The following RFLNA variants were observed in gnomAD, a reference collection of about 807,000 sequenced individuals.
RFLNA encodes the protein refilin A.
In RFLNA, 5 loss-of-function variants were observed where a neutral mutation model predicts 7.8. The ratio of observed to expected loss-of-function variants is 0.64; its 90% CI spans 0.34 to 1.35. The LOEUF is 1.35. RFLNA is among the 40% of genes most tolerant of loss of function. The pLI is 0.04. For missense variants in RFLNA, 278 were observed against 305.5 expected (o/e 0.91, Z 0.67); for synonymous variants, 141 against 131.3 (o/e 1.07, Z -0.50).
intron 1 of RFLNA, among the ~76,000 whole-genome samples, chr12:124,300,078 T>G (rs2033998990): frequency 6.6e-6 from 1 of 152,156 alleles, no homozygotes. Context: ...TTCTCTGGGG[T>G]TCATGTTCAA....
In RFLNA at chr12:124,295,402, G is replaced by A; in HGVS notation, c.-28G>A. On this transcript the variant is annotated 5_prime_UTR_variant, in exon 1 of 3. Transcript: ENST00000546355. The stretch of plus-strand genomic sequence containing the variant: ...CGGTGGAGAAGCCCCCGGAGGAGCG[G>A]GGGGCCCGCGCCCCGCGCCCCCCAG... 1 of 1,194,290 alleles carries A rather than the reference G, an allele frequency of 8.4e-7. No homozygotes were observed. Among genetic ancestry groups the A allele is most frequent in the Non-Finnish European group, 1.0e-6 (1 of 958,218 alleles). The allele number at this position is 1,194,290 out of a possible 1,614,324, so 74.0% of individuals were successfully genotyped here. A position where few individuals can be genotyped will look rare whatever the true frequency, so the allele number is the denominator to read the frequency against.
rs1244416369 is a variant in RFLNA at position 124,295,491 on chromosome 12, G to T, written c.62G>T (p.Gly21Val). ...EDSLKEQGRE[G>V]LLDSPDSGLP... ...AGCCTGAAGGAGCAGGGCCGGGAGG[G>T]CTTGCTGGACAGCCCCGACTCCGGG... Residue 21 changes from glycine to valine, a missense_variant, in exon 1 of 3, where the codon GGC (glycine) becomes GTC (valine). By Grantham distance (109) the Gly-to-Val change is moderately radical. Coordinates refer to ENST00000546355, the MANE Select transcript of RFLNA (RefSeq NM_001365156.1). 13 of 1,276,550 alleles carry T rather than the reference G, an allele frequency of 1.0e-5. No homozygotes were observed. In the Admixed American group the frequency reaches 5.3e-4, roughly 52 times the overall value. 79.1% of individuals were successfully genotyped at this position (1,276,550 alleles called of 1,614,324 possible). A position where few individuals can be genotyped will look rare whatever the true frequency, so the allele number is the denominator to read the frequency against.
At chr12:124,299,030 T>C (rs961947211) in intron 1 of RFLNA, among the ~76,000 whole-genome samples, 1 of 152,252 alleles carries the variant, frequency 6.6e-6, no homozygotes, top group East Asian at 1.9e-4. Flanking sequence ...CAGTGACTTC[T>C]AGGTGAAGCT....
Position 124,314,821 on chromosome 12 carries a change from G to GGGTCA in RFLNA, c.*298_*299insTCAGG. The GGGTCA allele has an allele frequency of 1.6e-6, 1 of 609,018 alleles. No homozygotes were observed. Among genetic ancestry groups the GGGTCA allele is most frequent in the Non-Finnish European group, 3.1e-6 (1 of 325,636 alleles). 37.7% of individuals were successfully genotyped at this position (609,018 alleles called of 1,614,324 possible). On this transcript the variant is annotated 3_prime_UTR_variant, in exon 3 of 3. Transcript: ENST00000546355. ...TAGGTGGTGGCCACCCCCAGGGTCA[G>GGGTCA]GGGAAAAGAATGGGTCCATGGAGTG...
chr12:124,308,806 G>A (rs946404463), intron 1 of RFLNA, among the ~76,000 whole-genome samples: 2 of 152,250 alleles, frequency 1.3e-5, no homozygotes, highest in African/African-American at 4.8e-5. Context: ...ACAGCAGGCA[G>A]TGGTCATTTG....
chr12:124,296,086 T>TCTTTCTTTCTTTCTTTC (rs891764149), intron 1 of RFLNA, among the ~76,000 whole-genome samples: 1 of 4,750 alleles, frequency 2.1e-4, no homozygotes, highest in African/African-American at 3.8e-4. Context: ...CTTTCTTTCT[T>TCTTTCTTTCTTTCTTTC]TCTTTCTTTC....
upstream of RFLNA, among the ~76,000 whole-genome samples, chr12:124,295,003 C>T (rs1292926416): frequency 6.6e-6 from 1 of 151,664 alleles, no homozygotes; most frequent in Non-Finnish European, 1.5e-5. Flanking sequence ...GGCGCCGGGC[C>T]GGGGCTGTTG....
At position 124,315,818 on chromosome 12, in the gene RFLNA, AG is replaced by A. The variant is rs2034340701; in HGVS notation, c.*1297del. 1 of 152,172 alleles carries A rather than the reference AG, an allele frequency of 6.6e-6. No individual in the cohort carries two copies. Among genetic ancestry groups the A allele is most frequent in the African/African-American group, 2.4e-5 (1 of 41,456 alleles). 9.4% of individuals were successfully genotyped at this position (152,172 alleles called of 1,614,324 possible). ...TGCCACTCCCCTGGTAATGCATAAA[AG>A]GGGAGGGGAAGGTTCCCTGGGGCTT... On this transcript the variant is annotated 3_prime_UTR_variant, in exon 3 of 3. Coordinates refer to ENST00000546355, the MANE Select transcript of RFLNA (RefSeq NM_001365156.1).
In RFLNA at chr12:124,314,535, G is replaced by C. The variant is rs752579112; in HGVS notation, c.*10G>C. On this transcript the variant is annotated 3_prime_UTR_variant, in exon 3 of 3. Transcript: ENST00000546355. The stretch of plus-strand genomic sequence containing the variant: ...CCCTGCCACGCTCTGACGGGGCTGG[G>C]GCCGGCCCGGGGTGCTGGAGGAGCC... 5 of 1,559,178 alleles carry C rather than the reference G, an allele frequency of 3.2e-6. No individual in the cohort carries two copies. Among genetic ancestry groups the C allele is most frequent in the Admixed American group, 1.9e-5 (1 of 53,606 alleles).
chr12:124,301,861 C>T (rs1423952422), intron 1 of RFLNA, among the ~76,000 whole-genome samples: 1 of 152,054 alleles, frequency 6.6e-6, no homozygotes, highest in Non-Finnish European at 1.5e-5. Context: ...CCAGAGCTGC[C>T]GTGACAAAGT....
rs1288059443 is a variant in RFLNA, at chr12:124,306,511, G to A, written c.208-5307G>A. Among the ~76,000 whole-genome samples the A allele has an allele frequency of 1.3e-5, 2 of 152,264 alleles. No homozygotes were observed. Among genetic ancestry groups the A allele is most frequent in the South Asian group, 4.1e-4 (2 of 4,820 alleles). On this transcript the variant is annotated intron_variant, in intron 1 of 2. Coordinates refer to ENST00000546355, the MANE Select transcript of RFLNA (RefSeq NM_001365156.1). The surrounding 1 kb of genome is among the most constrained non-coding windows in gnomAD (Gnocchi z 5.2). Reference sequence around the variant, plus strand: ...GGGGGCAGCGATGAGACAGGCCCCTGGGCATGAAAGGCAGTGGAGGAGCGA... The same window carrying A: ...GGGGGCAGCGATGAGACAGGCCCCTAGGCATGAAAGGCAGTGGAGGAGCGA...
chr12:124,292,016 C>T (rs759131699), upstream of RFLNA, among the ~76,000 whole-genome samples: 17 of 152,244 alleles, frequency 1.1e-4, no homozygotes, highest in Non-Finnish European at 1.9e-4. Flanking sequence ...GACCCCTTGT[C>T]AGGGATACCC....
chr12:124,312,824 T>A (rs2034270216), intron 2 of RFLNA, among the ~76,000 whole-genome samples: 1 of 152,024 alleles, frequency 6.6e-6, no homozygotes. Context: ...TTAGGTGGCA[T>A]CCGAATTGAA....
chr12:124,311,448 G>T (rs2034241661), intron 1 of RFLNA, among the ~76,000 whole-genome samples: 1 of 152,218 alleles, frequency 6.6e-6, no homozygotes, highest in Non-Finnish European at 1.5e-5. Context: ...CAGGCCGAGT[G>T]TGGTTTCAGC....
At chr12:124,302,853 G>GA (rs1431548691) in intron 1 of RFLNA, among the ~76,000 whole-genome samples, 355 of 119,976 alleles carry the variant, frequency 3.0e-3, no homozygotes, top group Admixed American at 3.0e-3. Context: ...GCCGAGGTCA[G>GA]GGGCCGAGGT....
intron 1 of RFLNA, among the ~76,000 whole-genome samples, chr12:124,296,084 CT>C (rs67382385): frequency 0.17 from 1,341 of 7,724 alleles, 26 homozygotes; most frequent in South Asian, 0.33. Context: ...TTCTTTCTTT[CT>C]TTCTTTCTTT....
upstream of RFLNA, among the ~76,000 whole-genome samples, chr12:124,294,261 C>T (rs1265715944): frequency 1.3e-5 from 2 of 152,178 alleles, no homozygotes; most frequent in African/African-American, 2.4e-5. Flanking sequence ...CTGGAGTCTA[C>T]CTCTGTTCTC....
At chr12:124,310,251 A>G (rs889286457) in intron 1 of RFLNA, among the ~76,000 whole-genome samples, 2 of 148,482 alleles carry the variant, frequency 1.3e-5, no homozygotes, top group African/African-American at 5.0e-5. Flanking sequence ...CTACTTCAAG[A>G]TGCTCACTTT....
chr12:124,308,055 C>T (rs1430498136), intron 1 of RFLNA, among the ~76,000 whole-genome samples: 2 of 151,416 alleles, frequency 1.3e-5, no homozygotes, highest in African/African-American at 2.4e-5. Context: ...GATCTCGGCT[C>T]ACTGCAACCT....
Sources: allele counts gnomAD v4.1 joint callset (sites outside exome capture counted in the v4.1 genomes callset), GRCh38; gene constraint gnomAD v4.1.1; non-coding constraint Gnocchi (gnomAD v3.1); transcripts MANE v1.5; gene names NCBI Gene and HGNC (gene_info 2026-07-23, HGNC 2026-07-21).